TRAPPC9: variants seen among roughly 807,000 people sequenced by gnomAD.
TRAPPC9 encodes the protein trafficking protein particle complex subunit 9.
Under a neutral mutation model 124.0 loss-of-function variants are expected in TRAPPC9, and 83 were observed. That is an observed-to-expected ratio of 0.67 (90% CI 0.56 to 0.80). The LOEUF is 0.80. Among genes scored for constraint, TRAPPC9 ranks in the 30% least tolerant of loss-of-function variants. The pLI is 0.00. For missense variants in TRAPPC9, 1,302 were observed against 1,508.3 expected (o/e 0.86, Z 2.27); for synonymous variants, 638 against 617.5 (o/e 1.03, Z -0.49).
chr8:140,280,075 C>T (rs1177437078), intron 14 of TRAPPC9, among the ~76,000 whole-genome samples: 3 of 152,230 alleles, frequency 2.0e-5, no homozygotes, highest in Non-Finnish European at 2.9e-5. Flanking sequence ...CTGCACAGGC[C>T]TGTGAGCGCG....
chr8:140,168,312 C>T lies in TRAPPC9; in HGVS notation c.2556+53147G>A, dbSNP rs117820558. On this transcript the variant is annotated intron_variant, in intron 17 of 22. Coordinates refer to ENST00000438773, the MANE Select transcript of TRAPPC9 (RefSeq NM_001160372.4). ...CTCCAGTGACGAATGGTTCGGCAGCCTTCAGTGCATTCACAATGTTATGCA... is the reference window on the plus strand; with the variant it reads ...CTCCAGTGACGAATGGTTCGGCAGCTTTCAGTGCATTCACAATGTTATGCA... Among the ~76,000 whole-genome samples the T allele has an allele frequency of 3.5e-4, 54 of 152,284 alleles. No individual in the cohort carries two copies. The East Asian group carries it at 0.01, about 29-fold the overall frequency.
At chr8:139,914,708 T>C (rs1343045839) in intron 19 of TRAPPC9, 2 of 152,262 alleles carry the variant, frequency 1.3e-5, no homozygotes, top group Non-Finnish European at 2.9e-5. Flanking sequence ...GATGGCTCCA[T>C]AACGGCTTTC....
intron 19 of TRAPPC9, among the ~76,000 whole-genome samples, chr8:139,970,863 G>A (rs2941575): frequency 0.89 from 135,143 of 152,026 alleles, 60,258 homozygotes; most frequent in East Asian, 0.99. Context: ...TGAACCTGAA[G>A]GGATGGGGGC....
intron 17 of TRAPPC9, among the ~76,000 whole-genome samples, chr8:140,127,165 C>G (rs1485911872): frequency 2.0e-5 from 3 of 152,130 alleles, no homozygotes; most frequent in East Asian, 3.9e-4. Flanking sequence ...GCACTTGGCT[C>G]AAAGGAGATG....
intron 5 of TRAPPC9, among the ~76,000 whole-genome samples, chr8:140,415,416 G>A (rs1294141340): frequency 1.3e-5 from 2 of 151,692 alleles, no homozygotes; most frequent in African/African-American, 4.8e-5. Context: ...TTAGCCGGGC[G>A]TGGTGGTGCA....
chr8:140,233,623 C>CCCCACACACACACA (rs757413376), intron 16 of TRAPPC9, among the ~76,000 whole-genome samples: 3 of 90,862 alleles, frequency 3.3e-5, no homozygotes, highest in Non-Finnish European at 6.4e-5. Flanking sequence ...TCTCTCCCCA[C>CCCCACACACACACA]CACACACACA....
chr8:140,015,648 T>TA (rs35908289), intron 18 of TRAPPC9, among the ~76,000 whole-genome samples: 89,812 of 148,856 alleles, frequency 0.6, 26,963 homozygotes, highest in Middle Eastern at 0.7. Context: ...ACAATAAAAA[T>TA]AAAAAAAAAA....
At chr8:140,132,334 G>C (rs1176654276) in intron 17 of TRAPPC9, among the ~76,000 whole-genome samples, 3 of 152,202 alleles carry the variant, frequency 2.0e-5, no homozygotes, top group Non-Finnish European at 4.4e-5. Context: ...AACCACGTAA[G>C]ACTTCATTTC....
At chr8:139,995,739 G>A (rs1173453192) in intron 18 of TRAPPC9, among the ~76,000 whole-genome samples, 2 of 151,706 alleles carry the variant, frequency 1.3e-5, no homozygotes, top group African/African-American at 4.8e-5. Context: ...GCAAACCACG[G>A]GCTTTGATAA....
At chr8:140,000,616 A>G (rs1162361240) in intron 18 of TRAPPC9, among the ~76,000 whole-genome samples, 2 of 152,262 alleles carry the variant, frequency 1.3e-5, no homozygotes, top group African/African-American at 4.8e-5. Context: ...TATGCAGCCA[A>G]CAGACACATG....
At chr8:140,184,841 G>T (rs2062316009) in intron 17 of TRAPPC9, among the ~76,000 whole-genome samples, 1 of 152,114 alleles carries the variant, frequency 6.6e-6, no homozygotes, top group African/African-American at 2.4e-5. Context: ...GCACCCAGCT[G>T]GAAAAAGAAC....
chr8:140,026,034 C>T (rs1220776574), intron 17 of TRAPPC9, among the ~76,000 whole-genome samples: 1 of 152,162 alleles, frequency 6.6e-6, no homozygotes, highest in African/African-American at 2.4e-5. Flanking sequence ...CCCTGGCACC[C>T]ACCATGCTAC....
intron 21 of TRAPPC9, among the ~76,000 whole-genome samples, chr8:139,767,187 C>A (rs1820637072): frequency 6.6e-6 from 1 of 152,172 alleles, no homozygotes; most frequent in South Asian, 2.1e-4. Flanking sequence ...TCTTATATAA[C>A]AAATAAGGCA....
At chr8:140,026,479 C>T (rs555258467) in intron 17 of TRAPPC9, among the ~76,000 whole-genome samples, 1 of 152,336 alleles carries the variant, frequency 6.6e-6, no homozygotes, top group Middle Eastern at 3.4e-3. Context: ...TGTTTTCCTA[C>T]ATCCTTACCA....
At chr8:139,830,313 C>T (rs762278024) in intron 21 of TRAPPC9, among the ~76,000 whole-genome samples, 7 of 150,652 alleles carry the variant, frequency 4.6e-5, no homozygotes, top group Non-Finnish European at 7.4e-5. Flanking sequence ...TACACATGCA[C>T]ACACATGCAT....
chr8:139,895,061 C>T lies in TRAPPC9; in HGVS notation c.2965-9092G>A, dbSNP rs529292660. Among the ~76,000 whole-genome samples the T allele has an allele frequency of 1.8e-4, 27 of 152,322 alleles. No homozygotes were observed. In the East Asian group the frequency reaches 4.2e-3, roughly 24 times the overall value. On this transcript the variant is annotated intron_variant, in intron 20 of 22. Coordinates refer to ENST00000438773, the MANE Select transcript of TRAPPC9 (RefSeq NM_001160372.4). ...CCAGAAACCGGAGGGCTCAACCACA[C>T]GTCCCGGGCTACTCGGGGACAGAAC... is the stretch of plus-strand genomic sequence containing the variant.
intron 2 of TRAPPC9, among the ~76,000 whole-genome samples, chr8:140,447,494 GA>G (rs1349744387): frequency 6.6e-6 from 1 of 152,002 alleles, no homozygotes; most frequent in African/African-American, 2.4e-5. Flanking sequence ...AAAAGAAAAA[GA>G]AAAGAAAGAG....
At chr8:140,293,329 C>T (rs1420940384) in intron 11 of TRAPPC9, among the ~76,000 whole-genome samples, 35 of 150,956 alleles carry the variant, frequency 2.3e-4, no homozygotes, top group African/African-American at 6.4e-4. Context: ...GATCTAGAAC[C>T]AGAAATACCA....
At chr8:140,065,383 T>C (rs1348079897) in intron 17 of TRAPPC9, among the ~76,000 whole-genome samples, 1 of 152,180 alleles carries the variant, frequency 6.6e-6, no homozygotes, top group East Asian at 1.9e-4. Flanking sequence ...TTGAGGAAGA[T>C]GGCTACACTA....
Sources: gnomAD v4.1 joint callset for allele counts (sites outside exome capture counted in the v4.1 genomes callset) on GRCh38, gnomAD v4.1.1 for gene constraint, MANE v1.5 for transcripts, NCBI Gene and HGNC (gene_info 2026-07-23, HGNC 2026-07-21) for gene names.